PDCD1LG2: variants seen among roughly 807,000 people sequenced by gnomAD.
The protein encoded by PDCD1LG2 is B7 dendritic cell molecule.
A neutral mutation model predicts 28.2 loss-of-function variants in PDCD1LG2; 32 were observed. The observed-to-expected ratio is 1.13, with a 90% CI of 0.86 to 1.52. PDCD1LG2 has a LOEUF of 1.52. Among genes scored for constraint, PDCD1LG2 ranks in the 40% most tolerant of loss-of-function variants. The pLI is 0.00. For missense variants in PDCD1LG2, 385 were observed against 323.8 expected, an observed-to-expected ratio of 1.19 and a Z score of -1.45; for synonymous variants, 116 against 120.2, an observed-to-expected ratio of 0.97 and a Z score of 0.23.
At chr9:5,548,306 T>C (rs1003790567) in intron 3 of PDCD1LG2, among the ~76,000 whole-genome samples, 21 of 152,252 alleles carry the variant, frequency 1.4e-4, no homozygotes, top group African/African-American at 4.6e-4. Flanking sequence ...TTCAGTTCCA[T>C]CCATGTTGTC....
intron 1 of PDCD1LG2, among the ~76,000 whole-genome samples, chr9:5,513,791 C>A (rs1016693629): frequency 6.6e-6 from 1 of 152,164 alleles, no homozygotes; most frequent in Non-Finnish European, 1.5e-5. Context: ...TTGGGTTTGT[C>A]AGGCAACAAA....
chr9:5,511,279 T>C (rs1280389563), intron 1 of PDCD1LG2, among the ~76,000 whole-genome samples: 1 of 152,170 alleles, frequency 6.6e-6, no homozygotes, highest in Non-Finnish European at 1.5e-5. Flanking sequence ...CCCAAAACTA[T>C]TATCTTAATA....
At chr9:5,559,036 T>C (rs1013740610) in intron 5 of PDCD1LG2, among the ~76,000 whole-genome samples, 3 of 152,206 alleles carry the variant, frequency 2.0e-5, no homozygotes, top group Non-Finnish European at 4.4e-5. Flanking sequence ...ACCTCAGGGT[T>C]CAAGGCCTGG....
At chr9:5,531,244 T>G (rs1002425853) in intron 2 of PDCD1LG2, among the ~76,000 whole-genome samples, 6 of 152,238 alleles carry the variant, frequency 3.9e-5, no homozygotes, top group African/African-American at 1.4e-4. Flanking sequence ...TTCATAGAAT[T>G]GTTTGCATCA....
At chr9:5,538,985 A>G (rs1013456943) in intron 3 of PDCD1LG2, among the ~76,000 whole-genome samples, 10 of 152,204 alleles carry the variant, frequency 6.6e-5, no homozygotes, top group Admixed American at 5.2e-4. Context: ...AGAACATTCA[A>G]TGTACCCCTT....
In PDCD1LG2 at chr9:5,569,451, T is replaced by G. The variant is rs1272821433; in HGVS notation, c.817-503T>G. Among the ~76,000 whole-genome samples the G allele has an allele frequency of 4.6e-5, 7 of 152,028 alleles. No homozygotes were observed. The East Asian group carries it at 1.3e-3, about 29-fold the overall frequency. On this transcript the variant is annotated intron_variant, in intron 6 of 6. Transcript: ENST00000397747. The surrounding 1 kb of genome is among the most constrained non-coding windows in gnomAD (Gnocchi z 4.1). ...GTCAACCCACAACTTGTCTGGGAGG[T>G]TGCTGAGGAATAGATACCCCAACCT...
chr9:5,517,736 G>A (rs915684380), intron 1 of PDCD1LG2, among the ~76,000 whole-genome samples: 3 of 152,174 alleles, frequency 2.0e-5, no homozygotes, highest in Non-Finnish European at 4.4e-5. Flanking sequence ...AAGCAGTGGA[G>A]GTGGTGAGAA....
At chr9:5,553,671 A>T (rs1816381680) in intron 4 of PDCD1LG2, among the ~76,000 whole-genome samples, 1 of 152,200 alleles carries the variant, frequency 6.6e-6, no homozygotes, top group African/African-American at 2.4e-5. Flanking sequence ...CACTCTCTTC[A>T]TGGAAGCCAA....
At chr9:5,531,920 G>C (rs1165727197) in intron 2 of PDCD1LG2, among the ~76,000 whole-genome samples, 1 of 152,188 alleles carries the variant, frequency 6.6e-6, no homozygotes, top group Non-Finnish European at 1.5e-5. Flanking sequence ...TTGATGAATA[G>C]TTGAATATTA....
intron 4 of PDCD1LG2, among the ~76,000 whole-genome samples, chr9:5,549,945 A>C (rs1413671034): frequency 6.6e-6 from 1 of 152,178 alleles, no homozygotes; most frequent in African/African-American, 2.4e-5. Context: ...CCCACCCTCC[A>C]ATCTCCTGCT....
At chr9:5,562,563 T>A (rs572184802) in intron 5 of PDCD1LG2, among the ~76,000 whole-genome samples, 33 of 152,120 alleles carry the variant, frequency 2.2e-4, no homozygotes, top group Middle Eastern at 3.4e-3. Context: ...GGGTGACGGG[T>A]GCACTAAAAT....
At chr9:5,565,537 C>T (rs921075489) in intron 6 of PDCD1LG2, among the ~76,000 whole-genome samples, 1 of 152,180 alleles carries the variant, frequency 6.6e-6, no homozygotes, top group Non-Finnish European at 1.5e-5. Flanking sequence ...CCCACTCATA[C>T]CTTTTTATTT....
intron 5 of PDCD1LG2, among the ~76,000 whole-genome samples, chr9:5,559,626 G>A (rs1431541373): frequency 6.6e-6 from 1 of 152,186 alleles, no homozygotes; most frequent in South Asian, 2.1e-4. Context: ...CTTCACTGCC[G>A]CTAGTGTGGT....
At position 5,569,859 on chromosome 9, in the gene PDCD1LG2, T is replaced by A; in HGVS notation, c.817-95T>A. The A allele has an allele frequency of 5.3e-6, 7 of 1,311,624 alleles. No homozygotes were observed. In the South Asian group the frequency reaches 7.3e-5, roughly 14 times the overall value. The allele number at this position is 1,311,624 out of a possible 1,614,324, so 81.2% of individuals were successfully genotyped here. On this transcript the variant is annotated intron_variant, in intron 6 of 6. Transcript: ENST00000397747. This position sits in a 1 kb window ranked among gnomAD's most constrained non-coding sequence, Gnocchi z 4.1. ...GCGGCTTCCAGCTAGATGAACTTTT[T>A]TAAAAAAATTAGTTCCTCACTCAAA...
intron 2 of PDCD1LG2, among the ~76,000 whole-genome samples, chr9:5,529,737 G>C (rs28452828): frequency 6.6e-6 from 1 of 152,070 alleles, no homozygotes; most frequent in African/African-American, 2.4e-5. Flanking sequence ...AGGTCATTCT[G>C]GGGCACAGAC....
intron 2 of PDCD1LG2, among the ~76,000 whole-genome samples, chr9:5,523,961 A>T (rs533214661): frequency 6.6e-6 from 1 of 152,312 alleles, no homozygotes; most frequent in South Asian, 2.1e-4. Flanking sequence ...CTTTCTACAG[A>T]GGAAGGATCT....
intron 2 of PDCD1LG2, among the ~76,000 whole-genome samples, chr9:5,532,119 G>C (rs1331732147): frequency 6.6e-6 from 1 of 152,164 alleles, no homozygotes; most frequent in African/African-American, 2.4e-5. Flanking sequence ...AATCATACAG[G>C]AAATCTCTTT....
At chr9:5,522,788 T>TA (rs1820302016) in intron 2 of PDCD1LG2, among the ~76,000 whole-genome samples, 187 bp downstream of exon 2, 1 of 151,782 alleles carries the variant, frequency 6.6e-6, no homozygotes, top group Non-Finnish European at 1.5e-5. Flanking sequence ...CCAATGTCCC[T>TA]ATCTGACAGA....
intron 3 of PDCD1LG2, 91 bp downstream of exon 3, chr9:5,535,141 A>G: frequency 1.7e-6 from 2 of 1,187,288 alleles, no homozygotes; most frequent in Non-Finnish European, 2.3e-6. Flanking sequence ...AGCTCAAGCA[A>G]AAACAAGCAG....
Sources: gnomAD v4.1 joint callset for allele counts (sites outside exome capture counted in the v4.1 genomes callset) on GRCh38, gnomAD v4.1.1 for gene constraint, Gnocchi (gnomAD v3.1) non-coding constraint, MANE v1.5 for transcripts, NCBI Gene and HGNC (gene_info 2026-07-23, HGNC 2026-07-21) for gene names.